The following ANAPC1 variants were observed in gnomAD, a reference collection of about 807,000 sequenced individuals.
ANAPC1 encodes the protein anaphase-promoting complex subunit 1.
Under a neutral mutation model 208.0 loss-of-function variants are expected in ANAPC1, and 36 were observed. The ratio of observed to expected loss-of-function variants is 0.17; its 90% CI spans 0.13 to 0.23. The LOEUF (loss-of-function observed/expected upper bound fraction) is 0.23. ANAPC1 is among the 10% of genes least tolerant of loss of function. ANAPC1 has a pLI of 1.00. For missense variants in ANAPC1, 942 were observed against 2,011.6 expected, an observed-to-expected ratio of 0.47 and a Z score of 10.17; for synonymous variants, 378 against 695.2, an observed-to-expected ratio of 0.54 and a Z score of 7.18.
rs557946028 is a variant in ANAPC1, at chr2:111,797,412, C to T, written c.4297-2518G>A. Among the ~76,000 whole-genome samples the T allele has an allele frequency of 1.9e-4, 29 of 151,808 alleles. 1 individual carries two copies. The East Asian group carries it at 2.9e-3, about 15-fold the overall frequency. On this transcript the variant is annotated intron_variant, in intron 34 of 47. Coordinates refer to ENST00000341068, the MANE Select transcript of ANAPC1 (RefSeq NM_022662.4). Reference sequence around the variant, plus strand: ...AAAAAGTATTTCATCCTACAATATACATTTCAAAGAGCACTTTCAAAAAAA... The same window carrying T: ...AAAAAGTATTTCATCCTACAATATATATTTCAAAGAGCACTTTCAAAAAAA...
intron 10 of ANAPC1, among the ~76,000 whole-genome samples, chr2:111,860,919 TC>T (rs1558730901): frequency 7.7e-6 from 1 of 130,400 alleles, no homozygotes; most frequent in African/African-American, 2.6e-5. Context: ...ATTCTTCAAT[TC>T]TAATCTAATT....
At chr2:111,789,137 C>CA (rs1275184575) in intron 38 of ANAPC1, among the ~76,000 whole-genome samples, 490 of 143,612 alleles carry the variant, frequency 3.4e-3, no homozygotes, top group African/African-American at 3.7e-3. Flanking sequence ...GACTCCTTCT[C>CA]AAAAAAAAAA....
chr2:111,834,151 G>A (rs1010343128), intron 19 of ANAPC1, among the ~76,000 whole-genome samples: 13 of 152,106 alleles, frequency 8.5e-5, no homozygotes, highest in Non-Finnish European at 1.6e-4. Context: ...TCAAACACTC[G>A]CATCCCAGGA....
intron 3 of ANAPC1, among the ~76,000 whole-genome samples, chr2:111,876,597 T>C (rs1460479482): frequency 2.6e-5 from 4 of 152,178 alleles, no homozygotes; most frequent in Non-Finnish European, 5.9e-5. Context: ...TTCACATCTA[T>C]ACTAACTATA....
chr2:111,865,267 A>G (rs1361499561), intron 7 of ANAPC1, among the ~76,000 whole-genome samples: 2 of 152,120 alleles, frequency 1.3e-5, no homozygotes, highest in African/African-American at 4.8e-5. Flanking sequence ...GATTTCTTCA[A>G]CTGACTTATT....
intron 3 of ANAPC1, 91 bp from the exon 4 acceptor site, chr2:111,873,755 A>G (rs1682884014): frequency 7.1e-7 from 1 of 1,407,370 alleles, no homozygotes; most frequent in East Asian, 2.7e-5. Flanking sequence ...AATAGCATCT[A>G]CGTAATAACT....
At chr2:111,847,971 T>C (rs549365059) in intron 14 of ANAPC1, 106 bp from the exon 15 acceptor site, 8 of 924,088 alleles carry the variant, frequency 8.7e-6, no homozygotes, top group South Asian at 8.2e-5. Context: ...AACAATAATA[T>C]GTAATGATTC....
intron 33 of ANAPC1, 137 bp downstream of exon 33, chr2:111,802,291 G>A (rs1483412060): frequency 3.1e-6 from 2 of 644,896 alleles, no homozygotes; most frequent in Admixed American, 2.4e-5. Context: ...TCAAACTCCT[G>A]GACTCAAGCA....
At chr2:111,779,034 C>T in intron 44 of ANAPC1, 1 of 196,672 alleles carries the variant, frequency 5.1e-6, no homozygotes, top group Non-Finnish European at 1.0e-5. Context: ...GTAGATAGGA[C>T]ATCACAGAGC....
At chr2:111,831,500 A>C (rs549962962) in intron 20 of ANAPC1, 66 bp from the exon 21 acceptor site, 1 of 1,282,760 alleles carries the variant, frequency 7.8e-7, no homozygotes, top group South Asian at 1.4e-5. Flanking sequence ...TTTTATTTTA[A>C]ACGGAAGATG....
At chr2:111,873,161 A>C in intron 5 of ANAPC1, 147 bp downstream of exon 5, 1 of 846,746 alleles carries the variant, frequency 1.2e-6, no homozygotes, top group South Asian at 2.5e-5. Flanking sequence ...ATGGTAAGCC[A>C]CTAAAGCTGC....
At chr2:111,855,444 A>G (rs1441453882) in intron 13 of ANAPC1, among the ~76,000 whole-genome samples, 1 of 152,230 alleles carries the variant, frequency 6.6e-6, no homozygotes. Context: ...ATCTGTAAAA[A>G]AAAATGCAGT....
At chr2:111,868,433 G>C (rs1682554438) in intron 6 of ANAPC1, among the ~76,000 whole-genome samples, 1 of 152,184 alleles carries the variant, frequency 6.6e-6, no homozygotes, top group African/African-American at 2.4e-5. Context: ...CTGGCAGTGT[G>C]TCTTTGGCAG....
chr2:111,882,301 T>G lies in ANAPC1; in HGVS notation c.-24-1452A>C, dbSNP rs187563764. Among the ~76,000 whole-genome samples the G allele has an allele frequency of 1.5e-3, 228 of 152,286 alleles. 1 individual carries two copies. The highest frequency in any genetic ancestry group is 5.0e-3 in the African/African-American group (208 of 41,572). On this transcript the variant is annotated intron_variant, in intron 1 of 47. Transcript: ENST00000341068. ...CCTGCAAGTAAAACACTTTATCTGCTGCAATCCCCGTTGTTTCCGTGTATT... is the reference window on the plus strand; with the variant it reads ...CCTGCAAGTAAAACACTTTATCTGCGGCAATCCCCGTTGTTTCCGTGTATT...
chr2:111,873,439 T>A, intron 4 of ANAPC1, 31 bp from the exon 5 acceptor site: 1 of 1,597,654 alleles, frequency 6.3e-7, no homozygotes, highest in Non-Finnish European at 8.5e-7. Flanking sequence ...AAGACTTATG[T>A]GTTTTTTCCC....
At chr2:111,800,365 T>A (rs1200559052) in intron 34 of ANAPC1, among the ~76,000 whole-genome samples, 1 of 135,006 alleles carries the variant, frequency 7.4e-6, no homozygotes, top group Non-Finnish European at 1.6e-5. Flanking sequence ...TGTTCATTTT[T>A]AACTAGTATA....
intron 28 of ANAPC1, among the ~76,000 whole-genome samples, chr2:111,813,919 T>C (rs1183054132): frequency 1.3e-5 from 2 of 152,060 alleles, no homozygotes; most frequent in African/African-American, 4.8e-5. Context: ...CTAACCTGGA[T>C]GGTGTTACCA....
At chr2:111,787,277 T>C (rs1236802265) in intron 39 of ANAPC1, among the ~76,000 whole-genome samples, 1 of 148,772 alleles carries the variant, frequency 6.7e-6, no homozygotes, top group Non-Finnish European at 1.5e-5. Flanking sequence ...TAATTGGCTT[T>C]AACAACTCAA....
rs1402425980 is a variant in ANAPC1 at position 111,838,528 on chromosome 2, A to G, written c.2041-16T>C. 8.8e-6 allele frequency: 14 copies of G among 1,586,436 alleles called. No individual in the cohort carries two copies. Among genetic ancestry groups the G allele is most frequent in the Non-Finnish European group, 1.2e-5 (14 of 1,170,114 alleles). The stretch of plus-strand genomic sequence containing the variant: ...CAAAGTCAAACTGAAAAGTAACCCC[A>G]AAAGAAAAGATAAAAATCGTAAATG... On this transcript the variant is annotated splice_polypyrimidine_tract_variant and intron_variant, in intron 17 of 47. Transcript: ENST00000341068.
Sources: allele counts gnomAD v4.1 joint callset (sites outside exome capture counted in the v4.1 genomes callset), GRCh38; gene constraint gnomAD v4.1.1; transcripts MANE v1.5; gene names NCBI Gene and HGNC (gene_info 2026-07-23, HGNC 2026-07-21).